The following PTCD3 variants were observed in gnomAD, a reference collection of about 807,000 sequenced individuals.
The protein encoded by PTCD3 is small ribosomal subunit protein mS39.
PTCD3 carries 89 observed loss-of-function variants against 101.9 expected under a neutral mutation model. That is an observed-to-expected ratio of 0.87 (90% confidence interval 0.74 to 1.04). The LOEUF (loss-of-function observed/expected upper bound fraction) is 1.04. PTCD3 is among the 50% of genes least tolerant of loss of function. The probability of loss-of-function intolerance (pLI) is 0.00; values close to 1 mark genes in which losing one functional copy is unlikely to be tolerated. For missense variants in PTCD3, 870 were observed against 828.2 expected, an observed-to-expected ratio of 1.05 and a Z score of -0.62; for synonymous variants, 296 against 278.5, an observed-to-expected ratio of 1.06 and a Z score of -0.63.
intron 8 of PTCD3, among the ~76,000 whole-genome samples, chr2:86,122,836 T>C (rs1674315924): frequency 6.6e-6 from 1 of 152,220 alleles, no homozygotes; most frequent in South Asian, 2.1e-4. Context: ...CCTCTGCCTC[T>C]CCAGCCCCAG....
intron 8 of PTCD3, among the ~76,000 whole-genome samples, chr2:86,123,030 C>T (rs1367136676): frequency 6.6e-6 from 1 of 152,130 alleles, no homozygotes; most frequent in South Asian, 2.1e-4. Context: ...GAGGCCGAGG[C>T]GGGTGGATCA....
chr2:86,124,948 T>C (rs745901295), intron 9 of PTCD3, 47 bp from the exon 10 acceptor site: 13 of 1,605,004 alleles, frequency 8.1e-6, no homozygotes, highest in South Asian at 3.3e-5. Flanking sequence ...GTAGCTCTCA[T>C]TGGTATTTCT....
chr2:86,133,394 G>C lies in PTCD3; in HGVS notation c.1501G>C (p.Asp501His). ...QTMIHLLQAL[D>H]VANRLEVIPK... ...AATGATACATCTTCTCCAAGCATTGGATGTGGCCAATCGGCTAGAAGTGAT... is the reference window on the plus strand; with the variant it reads ...AATGATACATCTTCTCCAAGCATTGCATGTGGCCAATCGGCTAGAAGTGAT... The change falls in exon 19 of 24, where the codon GAT (aspartate) becomes CAT (histidine). Residue 501 changes from aspartate (D) to histidine (H), a missense_variant. Transcript: ENST00000254630. 1.2e-6 allele frequency: 2 copies of C among 1,614,182 alleles called. No homozygotes were observed. Among genetic ancestry groups the C allele is most frequent in the Non-Finnish European group, 8.5e-7 (1 of 1,180,016 alleles).
At chr2:86,118,788 C>T in intron 6 of PTCD3, 133 bp from the exon 7 acceptor site, 1 of 961,334 alleles carries the variant, frequency 1.0e-6, no homozygotes, top group Non-Finnish European at 1.5e-6. Context: ...TCAGTAGTAT[C>T]TGGTGCAGGA....
chr2:86,107,228 A>G, intron 1 of PTCD3: 1 of 470,954 alleles, frequency 2.1e-6, no homozygotes, highest in South Asian at 1.5e-5. Context: ...TTTTCTACTC[A>G]TTTTCTTTGC....
In PTCD3 at chr2:86,140,405, A is replaced by G. The variant is rs1674662831; in HGVS notation, c.*2846A>G. 2.0e-5 allele frequency: 3 copies of G among 152,096 alleles called. No homozygotes were observed. Among genetic ancestry groups the G allele is most frequent in the Non-Finnish European group, 4.4e-5 (3 of 68,004 alleles). The allele number at this position is 152,096 out of a possible 1,614,324, so 9.4% of individuals were successfully genotyped here. On this transcript the variant is annotated 3_prime_UTR_variant, in exon 24 of 24. Transcript: ENST00000254630. Reference sequence around the variant, plus strand: ...AAATCAGTTTTTGTGGGTGATTGCAATTTTTTAATGAAATGCATTAGAACA... The same window carrying G: ...AAATCAGTTTTTGTGGGTGATTGCAGTTTTTTAATGAAATGCATTAGAACA...
chr2:86,111,631 T>A (rs1302873467), intron 4 of PTCD3, among the ~76,000 whole-genome samples: 1 of 152,014 alleles, frequency 6.6e-6, no homozygotes, highest in East Asian at 1.9e-4. Flanking sequence ...AGGTGGCTCA[T>A]GAATGTGATC....
rs764862703 is a variant in PTCD3 at position 86,125,517 on chromosome 2, T to A, written c.865+2T>A. Reference sequence around the variant, plus strand: ...AGTTACTAAACAACAGACTCCATGGTGAGTTTGAGAACTCCCCTCTGTCCC... The same window carrying A: ...AGTTACTAAACAACAGACTCCATGGAGAGTTTGAGAACTCCCCTCTGTCCC... On this transcript the variant is annotated splice_donor_variant, in intron 11 of 23. Coordinates refer to ENST00000254630, the MANE Select transcript of PTCD3 (RefSeq NM_017952.6). LOFTEE classifies it high-confidence loss of function. 12 of 1,604,788 alleles carry A rather than the reference T, an allele frequency of 7.5e-6. No individual in the cohort carries two copies. The highest frequency in any genetic ancestry group is 1.0e-5 in the Non-Finnish European group (12 of 1,171,492).
intron 16 of PTCD3, 108 bp downstream of exon 16, chr2:86,131,214 G>A (rs988420962): frequency 1.2e-6 from 1 of 832,116 alleles, no homozygotes; most frequent in African/African-American, 1.8e-5. Flanking sequence ...TCATGTCTTT[G>A]CTTCTGTTTT....
At position 86,140,717 on chromosome 2, in the gene PTCD3, T is replaced by TAATC. The variant is rs1410135728; in HGVS notation, c.*3160_*3163dup. ...TAAGGCAATTTGCTAGGACATGGGA[T>TAATC]AATCAGATTACACAAAATCTAGGCA... On this transcript the variant is annotated 3_prime_UTR_variant, in exon 24 of 24. Transcript: ENST00000254630. 2.0e-5 allele frequency: 3 copies of TAATC among 152,036 alleles called. No individual in the cohort carries two copies. The highest frequency in any genetic ancestry group is 1.3e-4 in the Admixed American group (2 of 15,248). The allele number at this position is 152,036 out of a possible 1,614,324, so 9.4% of individuals were successfully genotyped here.
chr2:86,107,559 T>G (rs759059300), intron 1 of PTCD3, among the ~76,000 whole-genome samples: 1 of 152,216 alleles, frequency 6.6e-6, no homozygotes, highest in Non-Finnish European at 1.5e-5. Flanking sequence ...GTGTTTTTAG[T>G]GTGATCAGAA....
At position 86,125,169 on chromosome 2, in the gene PTCD3, A is replaced by G. The variant is rs1036180942; in HGVS notation, c.804+87A>G. 4.5e-6 allele frequency: 7 copies of G among 1,545,940 alleles called. No individual in the cohort carries two copies. The African/African-American group carries it at 8.2e-5, about 18-fold the overall frequency. On this transcript the variant is annotated intron_variant, in intron 10 of 23. Coordinates refer to ENST00000254630, the MANE Select transcript of PTCD3 (RefSeq NM_017952.6). Reference sequence around the variant, plus strand: ...AACTACTAACATTTTGGGTCAGGTAATTTGTTGTGGGGTCTGTCCTGTGCA... The same window carrying G: ...AACTACTAACATTTTGGGTCAGGTAGTTTGTTGTGGGGTCTGTCCTGTGCA...
chr2:86,107,599 C>T (rs981217129), intron 1 of PTCD3, among the ~76,000 whole-genome samples: 2 of 152,168 alleles, frequency 1.3e-5, no homozygotes, highest in African/African-American at 4.8e-5. Flanking sequence ...AAAACTCAGT[C>T]ATGGGCCAAT....
At position 86,137,796 on chromosome 2, in the gene PTCD3, G is replaced by A; in HGVS notation, c.*237G>A. On this transcript the variant is annotated 3_prime_UTR_variant, in exon 24 of 24. Transcript: ENST00000254630. Reference sequence around the variant, plus strand: ...GGCTTAGCATTTAAGTAGCAACATTGCGGTTTTCAGACACATGGTGAGGTC... The same window carrying A: ...GGCTTAGCATTTAAGTAGCAACATTACGGTTTTCAGACACATGGTGAGGTC... 2.2e-6 allele frequency: 1 copy of A among 450,646 alleles called. No individual in the cohort carries two copies. Among genetic ancestry groups the A allele is most frequent in the South Asian group, 2.1e-5 (1 of 46,932 alleles). 27.9% of individuals were successfully genotyped at this position (450,646 alleles called of 1,614,324 possible). A position where few individuals can be genotyped will look rare whatever the true frequency, so the allele number is the denominator to read the frequency against.
chr2:86,107,005 TAGAC>T (rs1339164386), intron 1 of PTCD3: 1 of 407,290 alleles, frequency 2.5e-6, no homozygotes, highest in Non-Finnish European at 5.1e-6. Context: ...TGGATGATAA[TAGAC>T]AGATTTCCTC....
chr2:86,119,244 C>T, intron 7 of PTCD3, 200 bp downstream of exon 7: 1 of 664,424 alleles, frequency 1.5e-6, no homozygotes, highest in Non-Finnish European at 2.4e-6. Flanking sequence ...AGTAGAATTG[C>T]AGCTTTGTTG....
In PTCD3 at chr2:86,137,642, A is replaced by C; in HGVS notation, c.*83A>C. ...GAACTGAGATATACCAATATTTAAC[A>C]TTGTTACAAAGAAGAAAAGATACAG... On this transcript the variant is annotated 3_prime_UTR_variant, in exon 24 of 24. Transcript: ENST00000254630. 6.4e-7 allele frequency: 1 copy of C among 1,568,786 alleles called. No individual in the cohort carries two copies. Among genetic ancestry groups the C allele is most frequent in the Non-Finnish European group, 8.6e-7 (1 of 1,156,290 alleles).
rs1179029068 is a variant in PTCD3 at position 86,140,157 on chromosome 2, A to C, written c.*2598A>C. On this transcript the variant is annotated 3_prime_UTR_variant, in exon 24 of 24. Coordinates refer to ENST00000254630, the MANE Select transcript of PTCD3 (RefSeq NM_017952.6). ...CTAAAAGTAGGGCATATGACCGCCT[A>C]AGAAACAGAACTTCGAGAAGTCCTA... 1 of 151,864 alleles carries C rather than the reference A, an allele frequency of 6.6e-6. No homozygotes were observed. The highest frequency in any genetic ancestry group is 1.5e-5 in the Non-Finnish European group (1 of 67,994). The allele number at this position is 151,864 out of a possible 1,614,324, so 9.4% of individuals were successfully genotyped here. A position where few individuals can be genotyped will look rare whatever the true frequency, so the allele number is the denominator to read the frequency against.
At chr2:86,135,258 A>C (rs1477676808) in intron 21 of PTCD3, 3 of 304,816 alleles carry the variant, frequency 9.8e-6, no homozygotes. Context: ...TCATTATTCC[A>C]CTTAAATGAA....
Sources: allele counts gnomAD v4.1 joint callset (sites outside exome capture counted in the v4.1 genomes callset), GRCh38; gene constraint gnomAD v4.1.1; transcripts MANE v1.5; gene names NCBI Gene and HGNC (gene_info 2026-07-23, HGNC 2026-07-21).